The following RASGRF2 variants were observed in gnomAD, a reference collection of about 807,000 sequenced individuals.
RASGRF2 encodes ras-specific guanine nucleotide-releasing factor 2.
RASGRF2 carries 76 observed loss-of-function variants against 151.0 expected under a neutral mutation model. The observed-to-expected ratio is 0.50, with a 90% confidence interval of 0.42 to 0.61. The LOEUF (loss-of-function observed/expected upper bound fraction) is 0.61. RASGRF2 is among the 20% of genes least tolerant of loss of function. The pLI, the probability that RASGRF2 is intolerant of heterozygous loss-of-function variation, is 0.00. For synonymous variants in RASGRF2, 504 were observed against 566.5 expected, an observed-to-expected ratio of 0.89 and a Z score of 1.57; for missense variants, 1,148 against 1,564.6, an observed-to-expected ratio of 0.73 and a Z score of 4.49.
At chr5:81,028,870 G>A (rs1750134282) in intron 1 of RASGRF2, among the ~76,000 whole-genome samples, 1 of 152,186 alleles carries the variant, frequency 6.6e-6, no homozygotes, top group Non-Finnish European at 1.5e-5. Context: ...CCCGGGAAGT[G>A]CAAGGGGTCG....
chr5:80,965,170 A>G (rs1451604753), intron 1 of RASGRF2, among the ~76,000 whole-genome samples: 1 of 152,094 alleles, frequency 6.6e-6, no homozygotes, highest in Non-Finnish European at 1.5e-5. Flanking sequence ...TAAATTGACC[A>G]CAAGCAGAGG....
At chr5:81,165,999 T>G (rs2045384) in intron 17 of RASGRF2, among the ~76,000 whole-genome samples, 2 of 152,054 alleles carry the variant, frequency 1.3e-5, no homozygotes, top group African/African-American at 4.8e-5. Flanking sequence ...TCAGCATCAT[T>G]GAACCTCAAA....
intron 1 of RASGRF2, among the ~76,000 whole-genome samples, chr5:80,971,990 C>T (rs1032522777): frequency 6.6e-6 from 1 of 152,162 alleles, no homozygotes; most frequent in South Asian, 2.1e-4. Context: ...CCACCTTGGC[C>T]TCCCAAAGTG....
intron 1 of RASGRF2, among the ~76,000 whole-genome samples, chr5:80,971,631 T>A (rs1747937638): frequency 6.6e-6 from 1 of 151,520 alleles, no homozygotes; most frequent in Admixed American, 6.6e-5. Context: ...AGTGGCATGA[T>A]CATGGCTCAC....
chr5:81,074,353 G>A (rs970074615), intron 5 of RASGRF2, among the ~76,000 whole-genome samples: 3 of 152,154 alleles, frequency 2.0e-5, no homozygotes, highest in African/African-American at 4.8e-5. Context: ...GGAGGGTTTA[G>A]TGTTTTACTT....
rs575706636 is a variant in RASGRF2, at chr5:81,073,093, A to T, written c.634-106A>T. The T allele has an allele frequency of 2.2e-6, 3 of 1,348,640 alleles. No homozygotes were observed. In the East Asian group the frequency reaches 7.2e-5, roughly 32 times the overall value. The allele number at this position is 1,348,640 out of a possible 1,614,324, so 83.5% of individuals were successfully genotyped here. ...GGAATCCTTATCAATTTTAGAGGTT[A>T]TCATGTTTTCTGCAAAATTGATTTT... On this transcript the variant is annotated intron_variant, in intron 4 of 26. Coordinates refer to ENST00000265080, the MANE Select transcript of RASGRF2 (RefSeq NM_006909.3).
rs778644125 is a variant in RASGRF2 at position 81,141,674 on chromosome 5, G to A, written c.2686+14511G>A. Among the ~76,000 whole-genome samples, 72 of 152,034 alleles carry A rather than the reference G, an allele frequency of 4.7e-4. 1 individual carries two copies. The highest frequency in any genetic ancestry group is 4.4e-4 in the African/African-American group (18 of 41,362). ...CTCTGCAGCACGTCCATTTCTTTCC[G>A]TCTTTTTCCCACCTCTGTATCCACC... On this transcript the variant is annotated intron_variant, in intron 17 of 26. Transcript: ENST00000265080.
At position 81,086,857 on chromosome 5, in the gene RASGRF2, G is replaced by A. The variant is rs771432783; in HGVS notation, c.1294G>A (p.Asp432Asn). The change falls in exon 9 of 27, where the codon GAC becomes AAC. Residue 432 changes from aspartate to asparagine, a missense_variant. Asp to Asn is a conservative substitution (Grantham distance 23). Transcript: ENST00000265080. ...CAGAGTAATGCACGATGAAGTCAGCGACACTGAAAACATAAGGAAAAACCT... is the reference window on the plus strand; with the variant it reads ...CAGAGTAATGCACGATGAAGTCAGCAACACTGAAAACATAAGGAAAAACCT... ...LSRVMHDEVS[D>N]TENIRKNLAI... 6 of 1,613,884 alleles carry A rather than the reference G, an allele frequency of 3.7e-6. No individual in the cohort carries two copies. Among genetic ancestry groups the A allele is most frequent in the African/African-American group, 1.3e-5 (1 of 75,038 alleles).
At chr5:81,083,269 C>CTTT (rs199506836) in intron 7 of RASGRF2, among the ~76,000 whole-genome samples, 1 of 143,030 alleles carries the variant, frequency 7.0e-6, no homozygotes, top group Admixed American at 6.9e-5. Context: ...AGGGTTCTCA[C>CTTT]TTTTTTTTTT....
chr5:81,007,959 C>T (rs1233012325), intron 1 of RASGRF2, among the ~76,000 whole-genome samples: 1 of 152,046 alleles, frequency 6.6e-6, no homozygotes, highest in Non-Finnish European at 1.5e-5. Flanking sequence ...GGTTCCAATA[C>T]CCTCAGCTTC....
intron 2 of RASGRF2, among the ~76,000 whole-genome samples, chr5:81,064,917 G>T (rs1751552307): frequency 6.6e-6 from 1 of 152,136 alleles, no homozygotes; most frequent in Admixed American, 6.5e-5. Context: ...TTAATATTGA[G>T]TTAATAAAAA....
At chr5:81,040,235 C>T (rs1750637457) in intron 1 of RASGRF2, among the ~76,000 whole-genome samples, 1 of 152,086 alleles carries the variant, frequency 6.6e-6, no homozygotes, top group African/African-American at 2.4e-5. Flanking sequence ...TCTCAAACTC[C>T]TGGGCTCAAG....
At chr5:81,192,672 C>T (rs1755176267) in intron 18 of RASGRF2, among the ~76,000 whole-genome samples, 1 of 152,192 alleles carries the variant, frequency 6.6e-6, no homozygotes, top group African/African-American at 2.4e-5. Flanking sequence ...TGAATAAGGT[C>T]TCTTCTCCTC....
At chr5:81,083,643 A>G (rs1650774431) in intron 7 of RASGRF2, among the ~76,000 whole-genome samples, 1 of 152,222 alleles carries the variant, frequency 6.6e-6, no homozygotes, top group South Asian at 2.1e-4. Context: ...GTTGTCATTA[A>G]CATAATTTTT....
intron 17 of RASGRF2, among the ~76,000 whole-genome samples, chr5:81,178,611 G>A (rs1193248060): frequency 6.6e-6 from 1 of 152,182 alleles, no homozygotes; most frequent in African/African-American, 2.4e-5. Context: ...CCTGTCCCCT[G>A]GATATAGGGA....
intron 15 of RASGRF2, among the ~76,000 whole-genome samples, chr5:81,119,874 C>T (rs139104155): frequency 1.1e-4 from 17 of 152,274 alleles, no homozygotes; most frequent in African/African-American, 4.1e-4. Flanking sequence ...TTAATTTATC[C>T]AGATGGTTCA....
intron 1 of RASGRF2, among the ~76,000 whole-genome samples, chr5:81,029,433 C>A (rs987039770): frequency 1.3e-5 from 2 of 152,172 alleles, no homozygotes; most frequent in African/African-American, 4.8e-5. Flanking sequence ...TGGCCGGGTG[C>A]CCCTCTGAGA....
intron 19 of RASGRF2, among the ~76,000 whole-genome samples, chr5:81,201,903 T>C (rs553833431): frequency 1.3e-5 from 2 of 152,344 alleles, no homozygotes; most frequent in African/African-American, 4.8e-5. Flanking sequence ...TTGGCTCATT[T>C]CACTGGTCCT....
At chr5:81,053,892 T>G (rs1751106659) in intron 2 of RASGRF2, among the ~76,000 whole-genome samples, 2 of 152,372 alleles carry the variant, frequency 1.3e-5, no homozygotes, top group South Asian at 4.1e-4. Flanking sequence ...GTGAGCATTT[T>G]TTCATGTGTC....
Sources: allele counts gnomAD v4.1 joint callset (sites outside exome capture counted in the v4.1 genomes callset), GRCh38; gene constraint gnomAD v4.1.1; transcripts MANE v1.5; gene names NCBI Gene and HGNC (gene_info 2026-07-23, HGNC 2026-07-21).